The following CHRM5 variants were observed in gnomAD, a reference collection of about 807,000 sequenced individuals.
CHRM5 encodes the protein cholinergic receptor muscarinic 5, also known as muscarinic acetylcholine receptor M5.
In CHRM5, 18 loss-of-function variants were observed where a neutral mutation model predicts 39.0. That is an observed-to-expected ratio of 0.46 (90% confidence interval 0.32 to 0.68). The LOEUF is 0.68. CHRM5 is among the 30% of genes least tolerant of loss of function. CHRM5 has a pLI of 0.04. For missense variants in CHRM5, 515 were observed against 651.1 expected, an observed-to-expected ratio of 0.79 and a Z score of 2.28; for synonymous variants, 241 against 246.3, an observed-to-expected ratio of 0.98 and a Z score of 0.20.
chr15:34,025,647 A>G (rs1019642284), intron 1 of CHRM5, among the ~76,000 whole-genome samples: 3 of 152,226 alleles, frequency 2.0e-5, no homozygotes, highest in Non-Finnish European at 4.4e-5. Context: ...CCTTGCTTTT[A>G]GGAAATACAC....
intron 1 of CHRM5, among the ~76,000 whole-genome samples, chr15:34,040,848 T>G (rs867868503): frequency 2.0e-5 from 3 of 151,506 alleles, no homozygotes; most frequent in African/African-American, 7.3e-5. Flanking sequence ...CCCAGGAGGT[T>G]GAGGCTGTAG....
At chr15:34,039,142 C>T (rs1189736313) in intron 1 of CHRM5, 30 of 996,154 alleles carry the variant, frequency 3.0e-5, no homozygotes, top group Non-Finnish European at 3.6e-5. Flanking sequence ...GAGCCGCGAG[C>T]GAAAGGCGCC....
intron 1 of CHRM5, among the ~76,000 whole-genome samples, chr15:34,031,331 T>C (rs1015097015): frequency 6.6e-6 from 1 of 152,040 alleles, no homozygotes; most frequent in African/African-American, 2.4e-5. Flanking sequence ...CATGCCACCA[T>C]GCCTGGCTAA....
At chr15:34,029,894 A>C (rs1811237975) in intron 1 of CHRM5, among the ~76,000 whole-genome samples, 1 of 152,218 alleles carries the variant, frequency 6.6e-6, no homozygotes, top group African/African-American at 2.4e-5. Flanking sequence ...ATGATGTTGA[A>C]ACATTCTAGT....
At chr15:33,995,485 T>C (rs1336358203) in intron 1 of CHRM5, among the ~76,000 whole-genome samples, 4 of 152,202 alleles carry the variant, frequency 2.6e-5, no homozygotes, top group Non-Finnish European at 5.9e-5. Context: ...TTAGCATTCC[T>C]AGATTTTGGT....
intron 1 of CHRM5, among the ~76,000 whole-genome samples, chr15:34,030,212 C>G (rs764070316): frequency 3.9e-5 from 6 of 152,090 alleles, no homozygotes; most frequent in Admixed American, 6.5e-5. Context: ...TGAGATCACA[C>G]CACTGCATTC....
intron 1 of CHRM5, among the ~76,000 whole-genome samples, chr15:34,004,564 ATTGT>A (rs1318399362): frequency 5.3e-5 from 8 of 152,164 alleles, no homozygotes; most frequent in East Asian, 1.9e-4. Flanking sequence ...CCACTAATTT[ATTGT>A]TTGTTTGTTA....
Position 34,063,086 on chromosome 15 carries a change from G to C in CHRM5, c.369G>C (p.Val123=). The C allele has an allele frequency of 6.2e-7, 1 of 1,614,168 alleles. No individual in the cohort carries two copies. The highest frequency in any genetic ancestry group is 8.5e-7 in the Non-Finnish European group (1 of 1,180,034). ...ACGCTTCTGTCATGAACCTTCTGGT[G>C]ATCAGTTTTGACCGTTACTTTTCCA... ...ASNASVMNLL[V]ISFDRYFSIT... The change falls in exon 3 of 3, where the codon GTG becomes GTC. Residue 123 remains valine, a synonymous_variant. Transcript: ENST00000383263. The surrounding 1 kb of genome is among the most constrained non-coding windows in gnomAD (Gnocchi z 4.1).
At chr15:33,978,132 A>G (rs1267131143) in intron 1 of CHRM5, among the ~76,000 whole-genome samples, 1 of 152,146 alleles carries the variant, frequency 6.6e-6, no homozygotes, top group African/African-American at 2.4e-5. Flanking sequence ...AAATTCAACC[A>G]GAAAACCTTA....
chr15:33,970,509 G>A (rs1895588543), intron 1 of CHRM5, among the ~76,000 whole-genome samples: 1 of 151,846 alleles, frequency 6.6e-6, no homozygotes, highest in South Asian at 2.1e-4. Context: ...GGGTGGTATT[G>A]TTGTTGTTTA....
At chr15:33,985,404 G>A (rs1324377924) in intron 1 of CHRM5, among the ~76,000 whole-genome samples, 1 of 150,756 alleles carries the variant, frequency 6.6e-6, no homozygotes, top group African/African-American at 2.4e-5. Flanking sequence ...GGAACACTGA[G>A]CTGAGTGCAT....
intron 1 of CHRM5, among the ~76,000 whole-genome samples, chr15:34,004,879 ATG>A (rs1453671015): frequency 1.3e-5 from 2 of 152,174 alleles, no homozygotes; most frequent in Non-Finnish European, 2.9e-5. Flanking sequence ...TGGTTCAAAG[ATG>A]TGTCCCAAAC....
intron 1 of CHRM5, among the ~76,000 whole-genome samples, chr15:34,033,704 T>C (rs564913157): frequency 5.3e-5 from 8 of 152,314 alleles, no homozygotes; most frequent in African/African-American, 1.9e-4. Context: ...TGAATAAGGT[T>C]CTGTGGGAGA....
chr15:34,024,908 C>T (rs908043714), intron 1 of CHRM5, among the ~76,000 whole-genome samples: 11 of 151,270 alleles, frequency 7.3e-5, no homozygotes, highest in African/African-American at 2.4e-4. Flanking sequence ...CGAGGCCGGG[C>T]ATGGTGGCTC....
chr15:34,017,483 TG>T (rs1229884492), intron 1 of CHRM5, among the ~76,000 whole-genome samples: 64 of 44,906 alleles, frequency 1.4e-3, no homozygotes, highest in Admixed American at 2.5e-3. Flanking sequence ...ATTTTTTTTT[TG>T]TTTTTTTTTT....
intron 1 of CHRM5, chr15:34,018,467 T>G (rs1213656145): frequency 6.6e-6 from 1 of 152,156 alleles, no homozygotes; most frequent in Non-Finnish European, 1.5e-5. Context: ...ACCTTCGCAG[T>G]GAGTGTTACA....
intron 2 of CHRM5, among the ~76,000 whole-genome samples, chr15:34,060,070 G>C (rs1224024602): frequency 1.3e-5 from 2 of 152,234 alleles, no homozygotes; most frequent in African/African-American, 4.8e-5. Context: ...ACCATTGGAA[G>C]ATAATCTGTG....
chr15:34,033,614 AT>A (rs901303991), intron 1 of CHRM5, among the ~76,000 whole-genome samples: 86 of 152,364 alleles, frequency 5.6e-4, no homozygotes, highest in African/African-American at 1.9e-3. Flanking sequence ...GTTATATAAC[AT>A]TTTTTAAGTC....
chr15:34,024,412 G>A (rs1219101569), intron 1 of CHRM5, among the ~76,000 whole-genome samples: 4 of 150,458 alleles, frequency 2.7e-5, no homozygotes, highest in South Asian at 4.2e-4. Flanking sequence ...CATTTTGGGA[G>A]GCCAAGGCCA....
Sources: allele counts gnomAD v4.1 joint callset (sites outside exome capture counted in the v4.1 genomes callset), GRCh38; gene constraint gnomAD v4.1.1; non-coding constraint Gnocchi (gnomAD v3.1); transcripts MANE v1.5; gene names NCBI Gene and HGNC (gene_info 2026-07-23, HGNC 2026-07-21).